POU2F1: variants seen among roughly 807,000 people sequenced by gnomAD.
The protein encoded by POU2F1 is POU domain, class 2, transcription factor 1.
A neutral mutation model predicts 84.9 loss-of-function variants in POU2F1; 16 were observed. The observed-to-expected ratio is 0.19, with a 90% CI of 0.13 to 0.29. The LOEUF is 0.29. POU2F1 is among the 10% of genes least tolerant of loss of function. POU2F1 has a pLI of 1.00. For synonymous variants in POU2F1, 368 were observed against 368.3 expected, an observed-to-expected ratio of 1.00 and a Z score of 0.01; for missense variants, 738 against 942.6, an observed-to-expected ratio of 0.78 and a Z score of 2.84.
intron 3 of POU2F1, among the ~76,000 whole-genome samples, chr1:167,369,190 TTGTC>T (rs1659860807): frequency 1.3e-5 from 2 of 152,132 alleles, no homozygotes; most frequent in Admixed American, 1.3e-4. Context: ...CAGTTTGGGT[TTGTC>T]TGATTTTCAT....
In POU2F1 at chr1:167,413,128, T is replaced by A; in HGVS notation, c.1990+14T>A. 1 of 1,592,274 alleles carries A rather than the reference T, an allele frequency of 6.3e-7. No homozygotes were observed. The highest frequency in any genetic ancestry group is 1.1e-5 in the South Asian group (1 of 90,498). On this transcript the variant is annotated intron_variant, in intron 15 of 15. Transcript: ENST00000367866. ...CAACTATTCAAGGTCAGTAGAAGCC[T>A]TTTTCTTAATTTGGTGGCATGCACG...
chr1:167,401,369 A>G, intron 12 of POU2F1, 82 bp from the exon 13 acceptor site: 1 of 941,040 alleles, frequency 1.1e-6, no homozygotes, highest in Non-Finnish European at 1.6e-6. Context: ...CAATTCCAAG[A>G]TCAAAGAAAG....
intron 2 of POU2F1, chr1:167,357,364 C>G (rs1163577861): frequency 2.8e-4 from 2 of 7,188 alleles, no homozygotes; most frequent in Non-Finnish European, 4.6e-4. Flanking sequence ...ACGCCTCCCC[C>G]CCCACCCCCC....
intron 1 of POU2F1, among the ~76,000 whole-genome samples, chr1:167,271,184 T>A (rs1652346174): frequency 6.6e-6 from 1 of 152,174 alleles, no homozygotes; most frequent in Admixed American, 6.5e-5. Flanking sequence ...ATTAATACAA[T>A]AATAGTCATT....
At chr1:167,349,069 G>A (rs1239819117) in intron 2 of POU2F1, among the ~76,000 whole-genome samples, 2 of 152,028 alleles carry the variant, frequency 1.3e-5, no homozygotes, top group African/African-American at 2.4e-5. Flanking sequence ...GGACCTAACA[G>A]GGTATTTAAA....
chr1:167,258,094 CAT>C (rs1157480244), intron 1 of POU2F1, among the ~76,000 whole-genome samples: 10 of 152,274 alleles, frequency 6.6e-5, no homozygotes, highest in Admixed American at 6.5e-4. Flanking sequence ...CTGTGATTGT[CAT>C]GTGTGTCACC....
chr1:167,350,726 C>T (rs1185574853), intron 2 of POU2F1, among the ~76,000 whole-genome samples: 3 of 150,632 alleles, frequency 2.0e-5, no homozygotes, highest in South Asian at 2.1e-4. Context: ...AGGCTGGGCA[C>T]GGTGGCTCAT....
intron 1 of POU2F1, among the ~76,000 whole-genome samples, chr1:167,278,194 C>G (rs1024064848): frequency 6.6e-6 from 1 of 152,180 alleles, no homozygotes; most frequent in African/African-American, 2.4e-5. Context: ...CATGCTCTGA[C>G]CTTTTACTTC....
intron 1 of POU2F1, among the ~76,000 whole-genome samples, chr1:167,282,384 TC>T (rs1199781015): frequency 6.6e-6 from 1 of 152,126 alleles, no homozygotes; most frequent in Non-Finnish European, 1.5e-5. Flanking sequence ...GACCTCGTAA[TC>T]CGCCCGCCTC....
intron 13 of POU2F1, among the ~76,000 whole-genome samples, chr1:167,406,697 T>A (rs1418940978): frequency 1.3e-5 from 2 of 152,188 alleles, no homozygotes; most frequent in African/African-American, 4.8e-5. Flanking sequence ...ATATAAAAAA[T>A]AAATTACATT....
At chr1:167,322,513 A>G (rs891501519) in intron 1 of POU2F1, among the ~76,000 whole-genome samples, 5 of 152,236 alleles carry the variant, frequency 3.3e-5, no homozygotes, top group African/African-American at 1.2e-4. Context: ...TGGGCAGCAT[A>G]AATCTACTGC....
rs1650401239 is a variant in POU2F1, at chr1:167,417,705, C to G, written c.*1895C>G. The G allele has an allele frequency of 6.6e-6, 1 of 152,142 alleles. No individual in the cohort carries two copies. Among genetic ancestry groups the G allele is most frequent in the Admixed American group, 6.5e-5 (1 of 15,280 alleles). 9.4% of individuals were successfully genotyped at this position (152,142 alleles called of 1,614,324 possible). ...GAGCTGGGGATGTAGAGAGAACTTA[C>G]AGGTGATTTTTATTCTGATTGCTTT... On this transcript the variant is annotated 3_prime_UTR_variant, in exon 16 of 16. Transcript: ENST00000367866.
At position 167,348,731 on chromosome 1, in the gene POU2F1, C is replaced by T. The variant is rs537084737; in HGVS notation, c.127+16196C>T. Among the ~76,000 whole-genome samples the T allele has an allele frequency of 2.4e-4, 36 of 152,212 alleles. No individual in the cohort carries two copies. In the South Asian group the frequency reaches 7.3e-3, roughly 31 times the overall value. On this transcript the variant is annotated intron_variant, in intron 2 of 15. Coordinates refer to ENST00000367866, the MANE Select transcript of POU2F1 (RefSeq NM_002697.4). ...ACATCTAAGGCAGTTAGATGTTTGACTTGTCACCTTGGTTGTTTGTGCCTT... is the reference window on the plus strand; with the variant it reads ...ACATCTAAGGCAGTTAGATGTTTGATTTGTCACCTTGGTTGTTTGTGCCTT...
chr1:167,299,419 C>A (rs991294540), intron 1 of POU2F1, among the ~76,000 whole-genome samples: 2 of 152,036 alleles, frequency 1.3e-5, no homozygotes, highest in African/African-American at 4.8e-5. Flanking sequence ...AAAAATTATT[C>A]TTCTAAAAGG....
intron 2 of POU2F1, among the ~76,000 whole-genome samples, chr1:167,362,019 G>C (rs1659384867): frequency 6.6e-6 from 1 of 151,912 alleles, no homozygotes; most frequent in African/African-American, 2.4e-5. Context: ...ACAAAACCAA[G>C]TGCTATTTGG....
intron 1 of POU2F1, among the ~76,000 whole-genome samples, chr1:167,283,258 C>G (rs1274651958): frequency 2.6e-5 from 4 of 151,786 alleles, no homozygotes; most frequent in Non-Finnish European, 2.9e-5. Flanking sequence ...TGTGAGACCC[C>G]TTTTTACATT....
At position 167,332,541 on chromosome 1, in the gene POU2F1, A is replaced by T. The variant is rs750467304; in HGVS notation, c.127+6A>T. On this transcript the variant is annotated splice_donor_region_variant and intron_variant, in intron 2 of 15. Coordinates refer to ENST00000367866, the MANE Select transcript of POU2F1 (RefSeq NM_002697.4). ...GAGTGGAGATGGCAACACAGGTAAG[A>T]GTTTTCTGATCTAGCTTTTTAATTA... The T allele has an allele frequency of 8.2e-6, 13 of 1,589,648 alleles. No individual in the cohort carries two copies. In the Admixed American group the frequency reaches 2.2e-4, roughly 27 times the overall value.
chr1:167,225,725 G>A, intron 1 of POU2F1, among the ~76,000 whole-genome samples: 1 of 152,132 alleles, frequency 6.6e-6, no homozygotes, highest in Non-Finnish European at 1.5e-5. Context: ...GAATTTATTT[G>A]TGTTTTTTAA....
chr1:167,421,506 A>AT lies in POU2F1; in HGVS notation c.*5700dup, dbSNP rs561404762. 6.6e-5 allele frequency: 10 copies of AT among 152,304 alleles called. No individual in the cohort carries two copies. Among genetic ancestry groups the AT allele is most frequent in the African/African-American group, 1.7e-4 (7 of 41,574 alleles). 9.4% of individuals were successfully genotyped at this position (152,304 alleles called of 1,614,324 possible). A position where few individuals can be genotyped will look rare whatever the true frequency, so the allele number is the denominator to read the frequency against. ...TGTGAACTGTAGCTTTTAAAAAAAA[A>AT]TTTTGTAGTTTTCTTCTAACCTTAT... On this transcript the variant is annotated 3_prime_UTR_variant, in exon 16 of 16. Coordinates refer to ENST00000367866, the MANE Select transcript of POU2F1 (RefSeq NM_002697.4).
Sources: gnomAD v4.1 joint callset for allele counts (sites outside exome capture counted in the v4.1 genomes callset) on GRCh38, gnomAD v4.1.1 for gene constraint, MANE v1.5 for transcripts, NCBI Gene and HGNC (gene_info 2026-07-23, HGNC 2026-07-21) for gene names.